The following DIAPH3 variants were observed in gnomAD, a reference collection of about 807,000 sequenced individuals.
DIAPH3 encodes diaphanous related formin 3.
DIAPH3 carries 117 observed loss-of-function variants against 144.3 expected under a neutral mutation model. The observed-to-expected ratio is 0.81, with a 90% CI of 0.70 to 0.95. The LOEUF (loss-of-function observed/expected upper bound fraction) is 0.95, where lower values mean the gene tolerates loss of function less well. DIAPH3 is among the 40% of genes least tolerant of loss of function. DIAPH3 has a pLI of 0.00. For synonymous variants in DIAPH3, 519 were observed against 488.9 expected, an observed-to-expected ratio of 1.06 and a Z score of -0.81; for missense variants, 1,421 against 1,412.7, an observed-to-expected ratio of 1.01 and a Z score of -0.09.
chr13:59,948,887 AGGAAG>A (rs1422801201), intron 17 of DIAPH3, among the ~76,000 whole-genome samples: 4 of 148,676 alleles, frequency 2.7e-5, no homozygotes, highest in African/African-American at 4.9e-5. Context: ...GAAGGAAGGA[AGGAAG>A]GAAGGAAGGA....
intron 3 of DIAPH3, among the ~76,000 whole-genome samples, chr13:60,102,818 G>A (rs1030583604): frequency 6.6e-6 from 1 of 152,106 alleles, no homozygotes; most frequent in Admixed American, 6.5e-5. Context: ...ATGGGGTCAA[G>A]GTCCCTTCCA....
chr13:59,814,589 T>C (rs1025464291), intron 24 of DIAPH3, among the ~76,000 whole-genome samples: 2 of 152,216 alleles, frequency 1.3e-5, no homozygotes, highest in African/African-American at 4.8e-5. Flanking sequence ...AACAACATTT[T>C]TCTGGATATG....
At chr13:59,733,452 G>A (rs891703299) in intron 27 of DIAPH3, among the ~76,000 whole-genome samples, 10 of 151,970 alleles carry the variant, frequency 6.6e-5, no homozygotes, top group Admixed American at 1.3e-4. Flanking sequence ...GTGTCTTATC[G>A]TCTTATCCTG....
chr13:60,119,733 C>A (rs372963445), intron 2 of DIAPH3, among the ~76,000 whole-genome samples: 1 of 108,898 alleles, frequency 9.2e-6, no homozygotes, highest in Non-Finnish European at 1.7e-5. Context: ...GGCGACAGAG[C>A]GAGACTCCGT....
At chr13:60,055,519 G>C (rs2056521523) in intron 4 of DIAPH3, among the ~76,000 whole-genome samples, 1 of 151,796 alleles carries the variant, frequency 6.6e-6, no homozygotes, top group South Asian at 2.1e-4. Flanking sequence ...GCCTCAAAAA[G>C]GATATACTAT....
intron 24 of DIAPH3, among the ~76,000 whole-genome samples, chr13:59,814,190 C>T (rs759777710): frequency 9.2e-5 from 14 of 152,084 alleles, no homozygotes; most frequent in Non-Finnish European, 1.0e-4. Flanking sequence ...AATGTGAGTA[C>T]ATAATAGGCA....
chr13:59,812,907 T>C (rs1252070205), intron 24 of DIAPH3, among the ~76,000 whole-genome samples: 7 of 152,164 alleles, frequency 4.6e-5, no homozygotes, highest in African/African-American at 1.7e-4. Context: ...AACTATCTTT[T>C]CAAAGATATT....
chr13:59,999,399 T>C (rs532449821), intron 9 of DIAPH3, among the ~76,000 whole-genome samples: 1 of 152,202 alleles, frequency 6.6e-6, no homozygotes, highest in Admixed American at 6.6e-5. Context: ...AAGATCTATC[T>C]TCTAATTAAA....
At chr13:59,733,602 T>C (rs1026700932) in intron 27 of DIAPH3, among the ~76,000 whole-genome samples, 2 of 152,218 alleles carry the variant, frequency 1.3e-5, no homozygotes. Context: ...TGTATTAAAG[T>C]CTTCTGTACC....
At chr13:60,052,866 C>T (rs1411905965) in intron 4 of DIAPH3, among the ~76,000 whole-genome samples, 1 of 144,096 alleles carries the variant, frequency 6.9e-6, no homozygotes, top group Non-Finnish European at 1.5e-5. Context: ...GAGGCTGAGG[C>T]AGGAGAATCA....
chr13:60,104,478 G>A (rs2058353583), intron 3 of DIAPH3, among the ~76,000 whole-genome samples: 1 of 151,170 alleles, frequency 6.6e-6, no homozygotes, highest in Non-Finnish European at 1.5e-5. Context: ...CTATTTTTTG[G>A]CCAAATATTC....
chr13:59,768,565 G>A (rs1019723590), intron 27 of DIAPH3, among the ~76,000 whole-genome samples: 2 of 152,060 alleles, frequency 1.3e-5, no homozygotes, highest in Non-Finnish European at 2.9e-5. Context: ...GGTGTCCCAA[G>A]ATCGAGTGGA....
At chr13:60,121,913 C>T (rs898761398) in intron 2 of DIAPH3, among the ~76,000 whole-genome samples, 2 of 152,172 alleles carry the variant, frequency 1.3e-5, no homozygotes, top group African/African-American at 4.8e-5. Flanking sequence ...TCTCTACTGT[C>T]GCTAGCTCAG....
intron 18 of DIAPH3, among the ~76,000 whole-genome samples, chr13:59,924,370 C>G (rs2047658398): frequency 6.6e-6 from 1 of 152,014 alleles, no homozygotes; most frequent in African/African-American, 2.4e-5. Flanking sequence ...ATTATAACCT[C>G]CTTTATGTGT....
intron 17 of DIAPH3, among the ~76,000 whole-genome samples, chr13:59,951,158 T>A (rs558947729): frequency 6.6e-6 from 1 of 152,052 alleles, no homozygotes; most frequent in Non-Finnish European, 1.5e-5. Flanking sequence ...ATAATCCTCA[T>A]ATGTTGTGGT....
At chr13:59,987,038 C>A (rs139435351) in intron 12 of DIAPH3, among the ~76,000 whole-genome samples, 3 of 151,872 alleles carry the variant, frequency 2.0e-5, no homozygotes, top group Admixed American at 2.0e-4. Context: ...ATGTTTATTG[C>A]GGCATTATTC....
At chr13:59,857,154 G>A (rs2043304338) in intron 22 of DIAPH3, among the ~76,000 whole-genome samples, 1 of 152,100 alleles carries the variant, frequency 6.6e-6, no homozygotes, top group African/African-American at 2.4e-5. Context: ...GGCATTTTTA[G>A]AAGGCTATAG....
intron 24 of DIAPH3, chr13:59,832,831 G>A (rs772751465): frequency 1.4e-5 from 5 of 355,686 alleles, no homozygotes; most frequent in Non-Finnish European, 2.1e-5. Context: ...TATTACAGAA[G>A]TGCTCTGTAA....
intron 27 of DIAPH3, among the ~76,000 whole-genome samples, chr13:59,704,519 A>C (rs2034305334): frequency 6.6e-6 from 1 of 152,216 alleles, no homozygotes; most frequent in African/African-American, 2.4e-5. Flanking sequence ...ACCATCTAAC[A>C]TGCTATGTAC....
Sources: gnomAD v4.1 joint callset for allele counts (sites outside exome capture counted in the v4.1 genomes callset) on GRCh38, gnomAD v4.1.1 for gene constraint, MANE v1.5 for transcripts, NCBI Gene and HGNC (gene_info 2026-07-23, HGNC 2026-07-21) for gene names.